The following UCK2 variants were observed in gnomAD, a reference collection of about 807,000 sequenced individuals.
UCK2 encodes uridine-cytidine kinase 2, also known as cytidine monophosphokinase 2.
A neutral mutation model predicts 30.8 loss-of-function variants in UCK2; 6 were observed. The observed-to-expected ratio is 0.19, with a 90% CI of 0.11 to 0.38. The LOEUF (loss-of-function observed/expected upper bound fraction) is 0.38, where lower values mean the gene tolerates loss of function less well. Ranked by LOEUF, UCK2 falls within the 10% of genes least tolerant of loss-of-function variation. The pLI, the probability that UCK2 is intolerant of heterozygous loss-of-function variation, is 1.00. For missense variants in UCK2, 210 were observed against 339.8 expected, an observed-to-expected ratio of 0.62 and a Z score of 3.00; for synonymous variants, 125 against 133.6, an observed-to-expected ratio of 0.94 and a Z score of 0.45.
chr1:165,860,436 C>CT lies in UCK2; in HGVS notation c.100-29758dup, dbSNP rs562033552. On this transcript the variant is annotated intron_variant, in intron 1 of 6. Transcript: ENST00000367879. Reference sequence around the variant, plus strand: ...GCATGATGTTTGTGCAGAGTGAATTCTTTTTTTTTTGAGACAGGGTCTCAC... The same window carrying CT: ...GCATGATGTTTGTGCAGAGTGAATTCTTTTTTTTTTTGAGACAGGGTCTCAC... 7.3e-3 allele frequency among the ~76,000 whole-genome samples: 1,085 copies of CT among 149,276 alleles called. 3 individuals are homozygous for CT. The highest frequency in any genetic ancestry group is 8.5e-3 in the Non-Finnish European group (572 of 67,012).
chr1:165,860,054 A>T (rs1464330586), intron 1 of UCK2, among the ~76,000 whole-genome samples: 1 of 152,148 alleles, frequency 6.6e-6, no homozygotes, highest in South Asian at 2.1e-4. Flanking sequence ...TCAAGCCACC[A>T]TCATATTTTG....
At chr1:165,895,574 T>G (rs1655877057) in intron 3 of UCK2, 3 of 985,412 alleles carry the variant, frequency 3.0e-6, no homozygotes, top group Admixed American at 1.2e-4. Context: ...GTGGCCACTT[T>G]GTTGGTTTGG....
At chr1:165,905,823 A>G in intron 5 of UCK2, 98 bp from the exon 6 acceptor site, 2 of 1,097,252 alleles carry the variant, frequency 1.8e-6, no homozygotes, top group South Asian at 2.6e-5. Flanking sequence ...TGGGCTCGCT[A>G]GTATGAATGC....
At chr1:165,851,620 T>C (rs972973457) in intron 1 of UCK2, among the ~76,000 whole-genome samples, 1 of 152,146 alleles carries the variant, frequency 6.6e-6, no homozygotes, top group Non-Finnish European at 1.5e-5. Context: ...ATGGATTTTT[T>C]TTTTCTTTCT....
In UCK2 at chr1:165,827,770, G is replaced by C. The variant is rs1040731918; in HGVS notation, c.-64G>C. ...CTGCGGAAAGCGGAGGGAGTCCGAC[G>C]CGGGCGCGGGCGGGGAGCGTGCGTC... On this transcript the variant is annotated 5_prime_UTR_variant, in exon 1 of 7. Coordinates refer to ENST00000367879, the MANE Select transcript of UCK2 (RefSeq NM_012474.5). The C allele has an allele frequency of 1.6e-6, 2 of 1,271,994 alleles. No homozygotes were observed. Among genetic ancestry groups the C allele is most frequent in the African/African-American group, 1.5e-5 (1 of 64,572 alleles). The allele number at this position is 1,271,994 out of a possible 1,614,324, so 78.8% of individuals were successfully genotyped here.
At chr1:165,860,804 G>A (rs1228612858) in intron 1 of UCK2, among the ~76,000 whole-genome samples, 1 of 152,012 alleles carries the variant, frequency 6.6e-6, no homozygotes, top group African/African-American at 2.4e-5. Context: ...TGACTCCCTT[G>A]TTTCTATTAT....
intron 1 of UCK2, among the ~76,000 whole-genome samples, chr1:165,842,870 A>G (rs191509226): frequency 3.9e-5 from 6 of 152,250 alleles, no homozygotes; most frequent in Admixed American, 3.9e-4. Context: ...TCTTTGCCTT[A>G]TCGGTCCTCC....
At chr1:165,903,520 G>A (rs1486634622) in intron 5 of UCK2, among the ~76,000 whole-genome samples, 2 of 152,050 alleles carry the variant, frequency 1.3e-5, no homozygotes, top group South Asian at 4.2e-4. Flanking sequence ...CAGTCCTTAG[G>A]CAGGTCATTT....
intron 1 of UCK2, among the ~76,000 whole-genome samples, chr1:165,880,566 G>GTT (rs1557843943): frequency 1.5e-4 from 3 of 19,358 alleles, no homozygotes; most frequent in Admixed American, 4.5e-4. Flanking sequence ...TTTTTTTGGG[G>GTT]GTGTGTGTGT....
At chr1:165,873,749 G>A (rs1655260687) in intron 1 of UCK2, among the ~76,000 whole-genome samples, 1 of 152,066 alleles carries the variant, frequency 6.6e-6, no homozygotes, top group Non-Finnish European at 1.5e-5. Flanking sequence ...CCCACATGCT[G>A]CTTATCTTTG....
chr1:165,827,879 A>G lies in UCK2; in HGVS notation c.46A>G (p.Asn16Asp). 2 of 1,480,020 alleles carry G rather than the reference A, an allele frequency of 1.4e-6. No homozygotes were observed. Among genetic ancestry groups the G allele is most frequent in the Non-Finnish European group, 1.8e-6 (2 of 1,108,476 alleles). The allele number at this position is 1,480,020 out of a possible 1,614,324, so 91.7% of individuals were successfully genotyped here. Residue 16 changes from asparagine to aspartate, a missense_variant, in exon 1 of 7, where the codon AAC becomes GAC. By Grantham distance (23) the Asn-to-Asp change is conservative. Around this residue, in one of 4 missense-constraint regions of UCK2, gnomAD observed 50 missense variants for 41.0 expected, o/e 1.22. Coordinates refer to ENST00000367879, the MANE Select transcript of UCK2 (RefSeq NM_012474.5). ...EQTLQNHQQP[N>D]GGEPFLIGVS... ...GACCCTGCAGAACCACCAGCAGCCC[A>G]ACGGCGGCGAGCCCTTCCTTATAGG...
intron 1 of UCK2, among the ~76,000 whole-genome samples, chr1:165,878,520 G>A (rs7535552): frequency 6.6e-5 from 10 of 152,046 alleles, no homozygotes; most frequent in South Asian, 2.1e-4. Context: ...TAGTGGAGAC[G>A]GGGTTTGGTG....
chr1:165,889,537 A>G (rs1655710075), intron 1 of UCK2, among the ~76,000 whole-genome samples: 1 of 152,002 alleles, frequency 6.6e-6, no homozygotes, highest in Non-Finnish European at 1.5e-5. Flanking sequence ...GCTCTTCTGG[A>G]GGAGGAGGTG....
chr1:165,869,659 C>CTTTTTTTT (rs71100867), intron 1 of UCK2, among the ~76,000 whole-genome samples: 1 of 73,984 alleles, frequency 1.4e-5, no homozygotes, highest in Non-Finnish European at 2.4e-5. Flanking sequence ...CATCATGGGC[C>CTTTTTTTT]TTTTTTTTTT....
chr1:165,868,079 G>C (rs1290473166), intron 1 of UCK2, among the ~76,000 whole-genome samples: 3 of 152,186 alleles, frequency 2.0e-5, no homozygotes, highest in African/African-American at 4.8e-5. Context: ...CTCCATCAGA[G>C]CTCTTGGGTG....
chr1:165,890,070 G>T (rs1655727098), intron 1 of UCK2, 134 bp from the exon 2 acceptor site: 3 of 942,904 alleles, frequency 3.2e-6, no homozygotes, highest in South Asian at 3.1e-5. Flanking sequence ...CATCATGCAC[G>T]ATAGCTGCCT....
chr1:165,862,617 T>A (rs1654947695), intron 1 of UCK2, among the ~76,000 whole-genome samples: 2 of 152,238 alleles, frequency 1.3e-5, no homozygotes, highest in Admixed American at 1.3e-4. Flanking sequence ...AGTTTTTGAC[T>A]TCCGTATAGT....
intron 1 of UCK2, among the ~76,000 whole-genome samples, chr1:165,848,154 T>C (rs1384974865): frequency 6.6e-6 from 1 of 152,182 alleles, no homozygotes; most frequent in Non-Finnish European, 1.5e-5. Context: ...AAAAGTTGGG[T>C]GAAATATTGT....
chr1:165,908,090 CAT>C lies in UCK2; in HGVS notation c.*277_*278del, dbSNP rs772217264. On this transcript the variant is annotated 3_prime_UTR_variant, in exon 7 of 7. Transcript: ENST00000367879. Reference sequence around the variant, plus strand: ...TCCAACGTGTAACCAGTTATAAATACATATATATATAAAAAAGGATCTATTTT... The same window carrying C: ...TCCAACGTGTAACCAGTTATAAATACATATATATAAAAAAGGATCTATTTT... 11 of 305,446 alleles carry C rather than the reference CAT, an allele frequency of 3.6e-5. No homozygotes were observed. The highest frequency in any genetic ancestry group is 1.2e-4 in the East Asian group (2 of 16,442). The allele number at this position is 305,446 out of a possible 1,614,324, so 18.9% of individuals were successfully genotyped here. A position where few individuals can be genotyped will look rare whatever the true frequency, so the allele number is the denominator to read the frequency against.
Sources: allele counts gnomAD v4.1 joint callset (sites outside exome capture counted in the v4.1 genomes callset), GRCh38; gene constraint gnomAD v4.1.1; regional missense constraint gnomAD v4.1.1; transcripts MANE v1.5; gene names NCBI Gene and HGNC (gene_info 2026-07-23, HGNC 2026-07-21).